Variants in HS1BP3 observed in about 807,000 individuals in gnomAD.
HS1BP3 encodes HCLS1 binding protein 3, also known as HCLS1-binding protein 3.
A neutral mutation model predicts 33.5 loss-of-function variants in HS1BP3; 32 were observed. That is an observed-to-expected ratio of 0.95 (90% CI 0.72 to 1.28). The LOEUF is 1.28. Ranked by LOEUF, HS1BP3 falls within the 50% of genes most tolerant of loss-of-function variation. HS1BP3 has a pLI of 0.00. For synonymous variants in HS1BP3, 187 were observed against 209.2 expected, an observed-to-expected ratio of 0.89 and a Z score of 0.92; for missense variants, 486 against 502.3, an observed-to-expected ratio of 0.97 and a Z score of 0.31.
chr2:20,605,442 A>G (rs1419259785), intron 2 of HS1BP3, among the ~76,000 whole-genome samples: 1 of 152,102 alleles, frequency 6.6e-6, no homozygotes, highest in African/African-American at 2.4e-5. Flanking sequence ...CGGTGGTAAA[A>G]TACACATCAC....
the HS1BP3 span, among the ~76,000 whole-genome samples, chr2:20,554,301 AG>A: frequency 6.6e-6 from 1 of 152,226 alleles, no homozygotes; most frequent in African/African-American, 2.4e-5. Context: ...GCTAACATTG[AG>A]GTCACTGGTC....
chr2:20,568,195 G>A (rs1431232372), intron 5 of HS1BP3, among the ~76,000 whole-genome samples: 1 of 152,216 alleles, frequency 6.6e-6, no homozygotes, highest in Non-Finnish European at 1.5e-5. Context: ...CCTCACAGGA[G>A]GAGAAAGGTG....
At chr2:20,602,957 C>T (rs1431250324) in intron 2 of HS1BP3, among the ~76,000 whole-genome samples, 1 of 152,096 alleles carries the variant, frequency 6.6e-6, no homozygotes, top group Non-Finnish European at 1.5e-5. Flanking sequence ...ATACAAATGG[C>T]TAATAACAAG....
chr2:20,603,770 C>T (rs1019035505), intron 2 of HS1BP3, among the ~76,000 whole-genome samples: 7 of 152,238 alleles, frequency 4.6e-5, no homozygotes, highest in African/African-American at 1.7e-4. Context: ...TTTTAAAAAA[C>T]ATAATGGAAG....
chr2:20,582,767 G>A (rs59300971), intron 5 of HS1BP3, among the ~76,000 whole-genome samples: 6,486 of 152,208 alleles, frequency 0.043, 438 homozygotes, highest in African/African-American at 0.15. Flanking sequence ...ACCTCAGCTC[G>A]CTGGGCTCAG....
Position 20,604,347 on chromosome 2 carries a change from G to A in HS1BP3, c.179-6082C>T, listed in dbSNP as rs1320696891. ...TCTGCTTCTCTCAGCCCCTGAATAA[G>A]GAGCCTGCTTTTAAAGACTGCCCCG... On this transcript the variant is annotated intron_variant, in intron 2 of 3. Transcript: ENST00000415264. Among the ~76,000 whole-genome samples the A allele has an allele frequency of 3.3e-5, 5 of 152,192 alleles. No individual in the cohort carries two copies. The East Asian group carries it at 9.6e-4, about 29-fold the overall frequency.
chr2:20,572,500 T>C (rs1253962104), intron 5 of HS1BP3, among the ~76,000 whole-genome samples: 1 of 152,188 alleles, frequency 6.6e-6, no homozygotes, highest in East Asian at 1.9e-4. Context: ...AAGGACTTTG[T>C]CCTCCAACCA....
At chr2:20,560,711 T>C (rs1385647968) in intron 5 of HS1BP3, among the ~76,000 whole-genome samples, 1 of 152,122 alleles carries the variant, frequency 6.6e-6, no homozygotes. Context: ...CAGAAAATAC[T>C]GGAGTCAGAA....
downstream of HS1BP3, among the ~76,000 whole-genome samples, chr2:20,557,982 C>T (rs976872220): frequency 3.3e-5 from 5 of 152,216 alleles, no homozygotes; most frequent in African/African-American, 9.6e-5. Flanking sequence ...CAGAGGGCAC[C>T]AGGCTGCTGG....
intron 5 of HS1BP3, among the ~76,000 whole-genome samples, chr2:20,571,952 A>T (rs1411710547): frequency 6.6e-6 from 1 of 152,166 alleles, no homozygotes; most frequent in Non-Finnish European, 1.5e-5. Context: ...CTTCTCTCAG[A>T]TCCCCGCAGG....
rs1694312605 is a variant in HS1BP3 at position 20,611,229 on chromosome 2, G to C, written c.178+12667C>G. Reference sequence around the variant, plus strand: ...GATGGATATTTGGGTTGTTTCCTTTGGGGGAGGAACCCTTATGAATAATGT... The same window carrying C: ...GATGGATATTTGGGTTGTTTCCTTTCGGGGAGGAACCCTTATGAATAATGT... On this transcript the variant is annotated intron_variant, in intron 2 of 3. Transcript: ENST00000415264. The surrounding 1 kb of genome is among the most constrained non-coding windows in gnomAD (Gnocchi z 4.9). 6.6e-6 allele frequency among the ~76,000 whole-genome samples: 1 copy of C among 152,174 alleles called. No individual in the cohort carries two copies. Among genetic ancestry groups the C allele is most frequent in the East Asian group, 1.9e-4 (1 of 5,200 alleles).
intron 3 of HS1BP3, chr2:20,640,315 G>C (rs1366856577): frequency 6.4e-6 from 1 of 155,978 alleles, no homozygotes; most frequent in Non-Finnish European, 1.4e-5. Flanking sequence ...TCTGTTCTAA[G>C]GACTTTGCAT....
chr2:20,593,252 C>T lies in HS1BP3; in HGVS notation c.*13-458G>A, dbSNP rs1056030958. Among the ~76,000 whole-genome samples the T allele has an allele frequency of 4.6e-5, 7 of 152,140 alleles. No homozygotes were observed. In the South Asian group the frequency reaches 8.3e-4, roughly 18 times the overall value. On this transcript the variant is annotated intron_variant, in intron 3 of 3. Transcript: ENST00000415264. ...ACATTGTCTAAACTTGCAACCTTCC[C>T]GGAACACTCCCTCTTCCTCACCTGC...
chr2:20,589,231 C>T (rs943072529), downstream of HS1BP3, among the ~76,000 whole-genome samples: 6 of 152,210 alleles, frequency 3.9e-5, no homozygotes, highest in Non-Finnish European at 7.3e-5. Context: ...TTCAGCCACT[C>T]CTTGTGGTCA....
At chr2:20,600,441 G>A (rs1474730755) in intron 2 of HS1BP3, among the ~76,000 whole-genome samples, 1 of 152,170 alleles carries the variant, frequency 6.6e-6, no homozygotes, top group East Asian at 1.9e-4. Context: ...AAGTCACAGA[G>A]AACCCAGCAA....
intron 5 of HS1BP3, among the ~76,000 whole-genome samples, chr2:20,565,187 G>A (rs1693096060): frequency 6.6e-6 from 1 of 152,192 alleles, no homozygotes; most frequent in Non-Finnish European, 1.5e-5. Context: ...GCCCAGAGCA[G>A]AGCTAGCCCC....
At chr2:20,563,711 G>C (rs922232318) in intron 5 of HS1BP3, among the ~76,000 whole-genome samples, 3 of 152,138 alleles carry the variant, frequency 2.0e-5, no homozygotes, top group African/African-American at 7.2e-5. Context: ...TCCTGCACAG[G>C]GGGCTTCTTC....
intron 4 of HS1BP3, chr2:20,636,337 C>T (rs1276635072): frequency 6.6e-6 from 1 of 152,396 alleles, no homozygotes; most frequent in Non-Finnish European, 1.5e-5. Flanking sequence ...TCCTGCTCAA[C>T]TCCTTCCTCG....
At chr2:20,554,590 G>A in the HS1BP3 span, among the ~76,000 whole-genome samples, 10 of 152,130 alleles carry the variant, frequency 6.6e-5, no homozygotes, top group African/African-American at 2.4e-4. Flanking sequence ...GGGCGTGGTG[G>A]TGGGTACCTG....
Sources: allele counts gnomAD v4.1 joint callset (sites outside exome capture counted in the v4.1 genomes callset), GRCh38; gene constraint gnomAD v4.1.1; non-coding constraint Gnocchi (gnomAD v3.1); transcripts MANE v1.5; gene names NCBI Gene and HGNC (gene_info 2026-07-23, HGNC 2026-07-21).